The following OLA1 variants were observed in gnomAD, a reference collection of about 807,000 sequenced individuals.
OLA1 encodes obg-like ATPase 1.
A neutral mutation model predicts 48.4 loss-of-function variants in OLA1; 14 were observed. The ratio of observed to expected loss-of-function variants is 0.29; its 90% confidence interval spans 0.19 to 0.45. OLA1 has a LOEUF of 0.45. Among genes scored for constraint, OLA1 ranks in the 20% least tolerant of loss-of-function variants. OLA1 has a pLI of 1.00. For missense variants in OLA1, 325 were observed against 467.1 expected (o/e 0.70, Z 2.80); for synonymous variants, 127 against 150.4 (o/e 0.84, Z 1.14).
At position 174,223,143 on chromosome 2, in the gene OLA1, A is replaced by G; in HGVS notation, c.263T>C (p.Leu88Pro). The G allele has an allele frequency of 6.2e-7, 1 of 1,613,936 alleles. No individual in the cohort carries two copies. Among genetic ancestry groups the G allele is most frequent in the East Asian group, 2.2e-5 (1 of 44,856 alleles). The change falls in exon 4 of 11, where the codon CTA (leucine) becomes CCA (proline). Residue 88 changes from leucine to proline, a missense_variant. Transcript: ENST00000284719. Reference sequence around the variant, plus strand: ...AAGGCCAGCAATATCCACCACATTTAGAAAGGCAGGAATTTTGCTGAAAAA... The same window carrying G: ...AAGGCCAGCAATATCCACCACATTTGGAAAGGCAGGAATTTTGCTGAAAAA... ...HKPASKIPAF[L>P]NVVDIAGLVK...
intron 4 of OLA1, among the ~76,000 whole-genome samples, chr2:174,164,597 C>T (rs893018718): frequency 6.6e-6 from 1 of 152,076 alleles, no homozygotes; most frequent in Non-Finnish European, 1.5e-5. Flanking sequence ...AGTCAAGAAT[C>T]AAAGTAAATA....
At chr2:174,186,526 A>G (rs914632089) in intron 4 of OLA1, among the ~76,000 whole-genome samples, 1 of 152,182 alleles carries the variant, frequency 6.6e-6, no homozygotes, top group African/African-American at 2.4e-5. Context: ...TTGAGCTGGC[A>G]TATCTTTTCC....
At chr2:174,177,934 A>C (rs1306940447) in intron 4 of OLA1, among the ~76,000 whole-genome samples, 1 of 152,076 alleles carries the variant, frequency 6.6e-6, no homozygotes, top group African/African-American at 2.4e-5. Flanking sequence ...AATATCAATT[A>C]AAAGGAAAGA....
At chr2:174,234,450 T>C (rs1304017167) in intron 2 of OLA1, among the ~76,000 whole-genome samples, 4 of 152,094 alleles carry the variant, frequency 2.6e-5, no homozygotes, top group Non-Finnish European at 1.5e-5. Flanking sequence ...AAGGGTCAAC[T>C]GTAATTTCTT....
chr2:174,128,580 T>A (rs1686099702), intron 5 of OLA1, among the ~76,000 whole-genome samples: 1 of 151,236 alleles, frequency 6.6e-6, no homozygotes, highest in Non-Finnish European at 1.5e-5. Flanking sequence ...AATAAATAAA[T>A]AAATAAATTA....
intron 8 of OLA1, among the ~76,000 whole-genome samples, chr2:174,081,643 C>A (rs1684856280): frequency 6.6e-6 from 1 of 152,038 alleles, no homozygotes; most frequent in South Asian, 2.1e-4. Context: ...TCCCCTCCCC[C>A]ACTGAACATG....
intron 1 of OLA1, chr2:174,248,101 A>C: frequency 4.6e-6 from 1 of 219,612 alleles, no homozygotes; most frequent in African/African-American, 2.2e-5. Context: ...CAGGCCTCCA[A>C]AGAACAGATA....
At chr2:174,189,554 A>G (rs1222490555) in intron 4 of OLA1, among the ~76,000 whole-genome samples, 1 of 152,224 alleles carries the variant, frequency 6.6e-6, no homozygotes, top group Non-Finnish European at 1.5e-5. Context: ...ACTCATAATG[A>G]GAAAAGCAAA....
At chr2:174,209,945 T>C (rs184026096) in intron 4 of OLA1, among the ~76,000 whole-genome samples, 74 of 152,260 alleles carry the variant, frequency 4.9e-4, no homozygotes, top group Non-Finnish European at 1.5e-5. Context: ...TAACCAATGA[T>C]ATATCCATAT....
At chr2:174,107,643 C>T (rs1026759676) in intron 7 of OLA1, among the ~76,000 whole-genome samples, 5 of 152,118 alleles carry the variant, frequency 3.3e-5, no homozygotes, top group African/African-American at 9.7e-5. Flanking sequence ...ACTGACCTCT[C>T]GTTCCCCTAA....
intron 7 of OLA1, among the ~76,000 whole-genome samples, chr2:174,083,186 T>C (rs1427791824): frequency 6.6e-6 from 1 of 152,154 alleles, no homozygotes; most frequent in Non-Finnish European, 1.5e-5. Flanking sequence ...GACTGCTATA[T>C]TTAGACAAAG....
At chr2:174,174,161 ATACTT>A (rs1399470541) in intron 4 of OLA1, among the ~76,000 whole-genome samples, 1 of 152,076 alleles carries the variant, frequency 6.6e-6, no homozygotes, top group African/African-American at 2.4e-5. Context: ...CAAAGATAAA[ATACTT>A]TACAAGTGAT....
At chr2:174,205,924 T>C (rs1688103320) in intron 4 of OLA1, among the ~76,000 whole-genome samples, 2 of 152,192 alleles carry the variant, frequency 1.3e-5, no homozygotes, top group Admixed American at 1.3e-4. Flanking sequence ...TAGAGCCCTA[T>C]AGCCCTGCCT....
At position 174,137,280 on chromosome 2, in the gene OLA1, C is replaced by T. The variant is rs1686331751; in HGVS notation, c.549+4545G>A. On this transcript the variant is annotated intron_variant, in intron 5 of 10. Coordinates refer to ENST00000284719, the MANE Select transcript of OLA1 (RefSeq NM_013341.5). ...ATTGTTTTTTCTGAGCAGTAGGTCT[C>T]AAGAGTGGGCTTAAAATATTCAGTG... Among the ~76,000 whole-genome samples the T allele has an allele frequency of 2.6e-5, 4 of 152,148 alleles. No homozygotes were observed. In the South Asian group the frequency reaches 8.3e-4, roughly 32 times the overall value.
intron 4 of OLA1, among the ~76,000 whole-genome samples, chr2:174,202,656 G>A (rs963044126): frequency 1.3e-5 from 2 of 152,132 alleles, no homozygotes; most frequent in African/African-American, 2.4e-5. Context: ...AATAGGGACC[G>A]TAGATTGAGA....
chr2:174,182,294 G>A (rs1431081731), intron 4 of OLA1, among the ~76,000 whole-genome samples: 1 of 152,214 alleles, frequency 6.6e-6, no homozygotes, highest in African/African-American at 2.4e-5. Context: ...GGAGGCCGAG[G>A]TGGGCGGAAC....
chr2:174,198,235 A>C (rs1284078552), intron 4 of OLA1, among the ~76,000 whole-genome samples: 1 of 152,150 alleles, frequency 6.6e-6, no homozygotes, highest in Admixed American at 6.5e-5. Context: ...TGCTGGGATT[A>C]CAGGCATGAG....
At chr2:174,144,134 CA>C (rs959441173) in intron 4 of OLA1, among the ~76,000 whole-genome samples, 2 of 151,432 alleles carry the variant, frequency 1.3e-5, no homozygotes, top group Non-Finnish European at 2.9e-5. Flanking sequence ...AAAAACCTAC[CA>C]AAAAAAACCA....
chr2:174,092,143 GA>G (rs1685141513), intron 7 of OLA1, among the ~76,000 whole-genome samples: 1 of 102,402 alleles, frequency 9.8e-6, no homozygotes, highest in Non-Finnish European at 2.4e-5. Flanking sequence ...AAAAAAAAAA[GA>G]AAGAAAAGAA....
Sources: allele counts gnomAD v4.1 joint callset (sites outside exome capture counted in the v4.1 genomes callset), GRCh38; gene constraint gnomAD v4.1.1; transcripts MANE v1.5; gene names NCBI Gene and HGNC (gene_info 2026-07-23, HGNC 2026-07-21).